Variants in MIA2 observed in about 807,000 individuals in gnomAD.
MIA2 encodes the protein MIA SH3 domain ER export factor 2, also known as melanoma inhibitory activity protein 2.
Under a neutral mutation model 167.8 loss-of-function variants are expected in MIA2, and 127 were observed. The ratio of observed to expected loss-of-function variants is 0.76; its 90% confidence interval spans 0.66 to 0.88. MIA2 has a LOEUF of 0.88. Ranked by LOEUF, MIA2 falls within the 40% of genes least tolerant of loss-of-function variation. MIA2 has a pLI of 0.00. For synonymous variants in MIA2, 552 were observed against 541.9 expected, an observed-to-expected ratio of 1.02 and a Z score of -0.26; for missense variants, 1,690 against 1,624.7, an observed-to-expected ratio of 1.04 and a Z score of -0.69.
intron 26 of MIA2, 119 bp from the exon 27 acceptor site, chr14:39,347,594 G>A: frequency 2.2e-6 from 2 of 928,664 alleles, no homozygotes; most frequent in Non-Finnish European, 3.4e-6. Flanking sequence ...GGATATTGGT[G>A]TCCAGCTGGC....
chr14:39,272,914 A>G (rs1474545709), intron 6 of MIA2, among the ~76,000 whole-genome samples: 1 of 152,228 alleles, frequency 6.6e-6, no homozygotes, highest in African/African-American at 2.4e-5. Flanking sequence ...ATGCTATTAT[A>G]GATGGAAATG....
intron 4 of MIA2, among the ~76,000 whole-genome samples, chr14:39,252,145 G>A (rs963529761): frequency 2.0e-5 from 3 of 152,086 alleles, no homozygotes; most frequent in African/African-American, 7.2e-5. Flanking sequence ...AGGCTATGTA[G>A]TAGGCTGAAT....
At chr14:39,345,516 G>A (rs1248867518) in intron 25 of MIA2, among the ~76,000 whole-genome samples, 2 of 151,988 alleles carry the variant, frequency 1.3e-5, no homozygotes, top group Non-Finnish European at 2.9e-5. Flanking sequence ...CTGTGCTTAC[G>A]TTTTTTCTCT....
chr14:39,288,216 A>G (rs1305098735), intron 9 of MIA2, among the ~76,000 whole-genome samples: 1 of 151,690 alleles, frequency 6.6e-6, no homozygotes. Flanking sequence ...AGTCCCACCT[A>G]CTTGGGAGCA....
intron 23 of MIA2, among the ~76,000 whole-genome samples, chr14:39,357,627 G>A (rs2074563071): frequency 6.6e-6 from 1 of 152,156 alleles, no homozygotes; most frequent in African/African-American, 2.4e-5. Context: ...CTCGTTAGTT[G>A]ATGCACTTTC....
intron 2 of MIA2, among the ~76,000 whole-genome samples, chr14:39,239,476 G>T (rs1431399015): frequency 6.6e-6 from 1 of 152,062 alleles, no homozygotes; most frequent in Admixed American, 6.6e-5. Context: ...GACAGCTTGA[G>T]CCTGGAAGTT....
chr14:39,349,860 A>C (rs552272085), intron 28 of MIA2, among the ~76,000 whole-genome samples: 155 of 152,278 alleles, frequency 1.0e-3, no homozygotes, highest in African/African-American at 3.5e-3. Context: ...TTTTTAAAAA[A>C]CAGGTGTTAA....
At chr14:39,288,150 G>C (rs1343928898) in intron 9 of MIA2, among the ~76,000 whole-genome samples, 2 of 151,974 alleles carry the variant, frequency 1.3e-5, no homozygotes, top group African/African-American at 2.4e-5. Context: ...TACTTAAACT[G>C]TTAAGGGTTT....
chr14:39,326,592 C>T (rs2117338), intron 24 of MIA2, among the ~76,000 whole-genome samples: 139,047 of 149,548 alleles, frequency 0.93, 64,741 homozygotes, highest in African/African-American at 0.96. Context: ...ATCATTTATG[C>T]TTTTTATTTA....
chr14:39,261,339 A>G (rs1594736082), intron 6 of MIA2, among the ~76,000 whole-genome samples: 1 of 152,160 alleles, frequency 6.6e-6, no homozygotes, highest in South Asian at 2.1e-4. Context: ...TTATGGCTGC[A>G]TAGTATTCCA....
chr14:39,301,352 A>T (rs1396474335), intron 14 of MIA2, among the ~76,000 whole-genome samples: 1 of 151,850 alleles, frequency 6.6e-6, no homozygotes, highest in East Asian at 1.9e-4. Flanking sequence ...GGCGTGAGCC[A>T]CCGCATCTGG....
intron 9 of MIA2, among the ~76,000 whole-genome samples, chr14:39,290,406 T>C (rs561367501): frequency 2.2e-4 from 34 of 152,290 alleles, no homozygotes; most frequent in African/African-American, 7.9e-4. Context: ...TAGTCTTCAA[T>C]TTGATCACTT....
chr14:39,266,015 G>C, intron 6 of MIA2: 1 of 985,388 alleles, frequency 1.0e-6, no homozygotes, highest in Non-Finnish European at 1.2e-6. Context: ...GCCGCATTTT[G>C]GTCCTGAAAA....
At chr14:39,377,302 CAGT>C (rs1220605939) in intron 23 of MIA2, among the ~76,000 whole-genome samples, 1 of 151,332 alleles carries the variant, frequency 6.6e-6, no homozygotes, top group Non-Finnish European at 1.5e-5. Flanking sequence ...GTCCATTCAT[CAGT>C]AGGCAGGTAT....
chr14:39,271,488 C>T (rs1351386681), intron 6 of MIA2, among the ~76,000 whole-genome samples: 1 of 151,728 alleles, frequency 6.6e-6, no homozygotes, highest in Non-Finnish European at 1.5e-5. Context: ...ATGTGGAGTC[C>T]CTTGCATTTC....
intron 10 of MIA2, among the ~76,000 whole-genome samples, chr14:39,291,713 T>C (rs2060763373): frequency 6.6e-6 from 1 of 151,934 alleles, no homozygotes; most frequent in African/African-American, 2.4e-5. Flanking sequence ...GAATGAGGAG[T>C]CTTGGAAGAT....
At chr14:39,350,854 A>G (rs2139207155), downstream of MIA2, 1 of 152,302 alleles carries the variant, frequency 6.6e-6, no homozygotes, top group East Asian at 1.9e-4. Context: ...CACTTTTAAA[A>G]GTCAAAATTG....
chr14:39,354,423 G>A (rs901345297), downstream of MIA2, among the ~76,000 whole-genome samples: 1 of 151,952 alleles, frequency 6.6e-6, no homozygotes, highest in Non-Finnish European at 1.5e-5. Context: ...TTTTTTTCTC[G>A]TAAATTTGTT....
At chr14:39,314,980 C>G (rs2152946095) in intron 20 of MIA2, 181 bp downstream of exon 20, 2 of 471,896 alleles carry the variant, frequency 4.2e-6, no homozygotes, top group African/African-American at 2.0e-5. Context: ...GATAAGAAAT[C>G]TTATTTAAAA....
Sources: allele counts gnomAD v4.1 joint callset (sites outside exome capture counted in the v4.1 genomes callset), GRCh38; gene constraint gnomAD v4.1.1; transcripts MANE v1.5; gene names NCBI Gene and HGNC (gene_info 2026-07-23, HGNC 2026-07-21).